RTP4: variants seen among roughly 807,000 people sequenced by gnomAD.
RTP4 encodes the protein receptor-transporting protein 4.
A neutral mutation model predicts 6.5 loss-of-function variants in RTP4; 5 were observed. The observed-to-expected ratio is 0.77, with a 90% CI of 0.40 to 1.62. The LOEUF (loss-of-function observed/expected upper bound fraction) is 1.62. RTP4 is among the 40% of genes most tolerant of loss of function. RTP4 has a pLI of 0.02. For missense variants in RTP4, 266 were observed against 288.7 expected (o/e 0.92, Z 0.57); for synonymous variants, 112 against 114.8 (o/e 0.98, Z 0.15).
rs377160983 is a variant in RTP4, at chr3:187,371,211, G to A, written c.579G>A (p.Val193=). Residue 193 remains valine, a synonymous_variant, in exon 2 of 2, where the codon GTG becomes GTA. Transcript: ENST00000259030. Reference sequence around the variant, plus strand: ...ATTCCTCACCTGGAATTGGTGCTGTGTACCTCGCAAACCAAGCCAAGAACC... The same window carrying A: ...ATTCCTCACCTGGAATTGGTGCTGTATACCTCGCAAACCAAGCCAAGAACC... ...TGNSSPGIGA[V]YLANQAKNQS... The A allele has an allele frequency of 6.8e-6, 11 of 1,613,936 alleles. No individual in the cohort carries two copies. The highest frequency in any genetic ancestry group is 3.3e-5 in the South Asian group (3 of 91,078).
rs747425435 is a variant in RTP4, at chr3:187,371,404, T to TA, written c.*33dup. 12 of 1,495,160 alleles carry TA rather than the reference T, an allele frequency of 8.0e-6. No individual in the cohort carries two copies. Among genetic ancestry groups the TA allele is most frequent in the Non-Finnish European group, 1.1e-5 (12 of 1,102,054 alleles). 92.6% of individuals were successfully genotyped at this position (1,495,160 alleles called of 1,614,324 possible). On this transcript the variant is annotated 3_prime_UTR_variant, in exon 2 of 2. Transcript: ENST00000259030. The stretch of plus-strand genomic sequence containing the variant: ...ATAGGCTTGCCACTTTCTCTTATTT[T>TA]AATTCCATGGTAGTCAATGAACTGG...
rs764728969 is a variant in RTP4 at position 187,368,505 on chromosome 3, C to T, written c.64C>T (p.Arg22Trp). The T allele has an allele frequency of 7.4e-6, 12 of 1,614,082 alleles. No homozygotes were observed. Among genetic ancestry groups the T allele is most frequent in the East Asian group, 4.5e-5 (2 of 44,862 alleles). The part of the protein sequence containing the change: ...FQELIQEAKP[R>W]ATWTLKLDGN... ...AGAACTAATCCAAGAGGCAAAACCC[C>T]GGGCCACATGGACGCTGAAGTTGGA... The change falls in exon 1 of 2, where the codon CGG becomes TGG. Residue 22 changes from arginine (R) to tryptophan (W), a missense_variant. Transcript: ENST00000259030.
At chr3:187,370,028 C>T (rs1341433263) in intron 1 of RTP4, among the ~76,000 whole-genome samples, 1 of 152,196 alleles carries the variant, frequency 6.6e-6, no homozygotes, top group Non-Finnish European at 1.5e-5. Context: ...TTTTGAAAAG[C>T]ATTTTGTAGT....
chr3:187,370,959 T>C lies in RTP4; in HGVS notation c.327T>C (p.Asp109=). ...SQYEMPEFSS[D]STMRILSNLV... ...ATGAGATGCCTGAGTTCTCCTCGGA[T>C]AGCACCATGAGGATTCTGAGCAACC... The change falls in exon 2 of 2, where the codon GAT becomes GAC. Residue 109 remains aspartate, a synonymous_variant. Coordinates refer to ENST00000259030, the MANE Select transcript of RTP4 (RefSeq NM_022147.3). 6.2e-7 allele frequency: 1 copy of C among 1,614,192 alleles called. No homozygotes were observed. Among genetic ancestry groups the C allele is most frequent in the Non-Finnish European group, 8.5e-7 (1 of 1,180,030 alleles).
chr3:187,371,111 G>A lies in RTP4; in HGVS notation c.479G>A (p.Gly160Asp), dbSNP rs554658842. Reference protein sequence around the residue: ...DTANCEACTLGICGQGLKSCM... With the variant: ...DTANCEACTLDICGQGLKSCM... ...GCCAATTGTGAGGCATGCACTTTGG[G>A]CATCTGTGGACAGGGCTTAAAAAGC... Residue 160 changes from glycine to aspartate, a missense_variant, in exon 2 of 2, where the codon GGC (glycine) becomes GAC (aspartate). Transcript: ENST00000259030. The A allele has an allele frequency of 1.9e-6, 3 of 1,614,110 alleles. No homozygotes were observed. The highest frequency in any genetic ancestry group is 2.5e-6 in the Non-Finnish European group (3 of 1,180,002).
At chr3:187,370,408 G>C (rs1179872414) in intron 1 of RTP4, among the ~76,000 whole-genome samples, 1 of 152,174 alleles carries the variant, frequency 6.6e-6, no homozygotes, top group Non-Finnish European at 1.5e-5. Flanking sequence ...CTTCACAGAT[G>C]AAATGGGATA....
rs765849590 is a variant in RTP4 at position 187,368,558 on chromosome 3, T to C, written c.117T>C (p.Ala39=). The C allele has an allele frequency of 6.2e-7, 1 of 1,614,030 alleles. No homozygotes were observed. The highest frequency in any genetic ancestry group is 2.2e-5 in the East Asian group (1 of 44,874). ...GCAACCTTCAGCTAGACTGCCTGGC[T>C]CAAGGGTGGAAGCAATACCAACAGA... is the stretch of plus-strand genomic sequence containing the variant. ...LDGNLQLDCL[A]QGWKQYQQRA... Residue 39 remains alanine, a synonymous_variant, in exon 1 of 2, where the codon GCT becomes GCC. Transcript: ENST00000259030.
intron 1 of RTP4, among the ~76,000 whole-genome samples, chr3:187,369,533 G>C (rs1055593278): frequency 1.2e-4 from 18 of 151,950 alleles, no homozygotes; most frequent in African/African-American, 3.9e-4. Context: ...GGTTCTCCTA[G>C]GCAGAGTAAG....
chr3:187,368,985 T>C (rs1446299953), intron 1 of RTP4, among the ~76,000 whole-genome samples: 1 of 149,774 alleles, frequency 6.7e-6, no homozygotes, highest in Non-Finnish European at 1.5e-5. Flanking sequence ...CTTGGCACTG[T>C]TCAGTACAAG....
Position 187,371,154 on chromosome 3 carries a change from C to T in RTP4, c.522C>T (p.Ser174=). Residue 174 remains serine (S), a synonymous_variant, in exon 2 of 2, where the codon TCC becomes TCT. Transcript: ENST00000259030. ...TAAAAAGCTGCATGACAAAGCCGTC[C>T]AAATCCCTACTCCCCCACCTAAAGA... ...QGLKSCMTKP[S]KSLLPHLKTG... is the part of the protein sequence containing the mutation. 2 of 1,614,106 alleles carry T rather than the reference C, an allele frequency of 1.2e-6. No individual in the cohort carries two copies. Among genetic ancestry groups the T allele is most frequent in the Non-Finnish European group, 1.7e-6 (2 of 1,180,040 alleles).
At position 187,371,093 on chromosome 3, in the gene RTP4, G is replaced by T; in HGVS notation, c.461G>T (p.Cys154Phe). Residue 154 changes from cysteine (C) to phenylalanine (F), a missense_variant, in exon 2 of 2, where the codon TGT becomes TTT. Transcript: ENST00000259030. Reference sequence around the variant, plus strand: ...GAAGGATCCCATGACACAGCCAATTGTGAGGCATGCACTTTGGGCATCTGT... The same window carrying T: ...GAAGGATCCCATGACACAGCCAATTTTGAGGCATGCACTTTGGGCATCTGT... ...SLEGSHDTANCEACTLGICGQ... is the reference protein window; with the variant it reads ...SLEGSHDTANFEACTLGICGQ... 1.2e-6 allele frequency: 2 copies of T among 1,614,168 alleles called. No individual in the cohort carries two copies. Among genetic ancestry groups the T allele is most frequent in the African/African-American group, 1.3e-5 (1 of 75,042 alleles).
At position 187,371,273 on chromosome 3, in the gene RTP4, A is replaced by G. The variant is rs749159510; in HGVS notation, c.641A>G (p.Tyr214Cys). Residue 214 changes from tyrosine (Y) to cysteine (C), a missense_variant, in exon 2 of 2, where the codon TAT becomes TGT. By Grantham distance (194) the Tyr-to-Cys change is radical. Transcript: ENST00000259030. Reference sequence around the variant, plus strand: ...GCAAAAGAGGCTAAGGGGAGTGGGTATGAGAAATTAGGGCCCAGTCGAGAC... The same window carrying G: ...GCAAAAGAGGCTAAGGGGAGTGGGTGTGAGAAATTAGGGCCCAGTCGAGAC... ...AEAKEAKGSG[Y>C]EKLGPSRDPD... 3.1e-6 allele frequency: 5 copies of G among 1,610,442 alleles called. No individual in the cohort carries two copies. In the South Asian group the frequency reaches 3.3e-5, roughly 11 times the overall value.
intron 1 of RTP4, among the ~76,000 whole-genome samples, chr3:187,369,914 A>T (rs1436464951): frequency 6.6e-6 from 1 of 152,196 alleles, no homozygotes; most frequent in Non-Finnish European, 1.5e-5. Flanking sequence ...GCACTCCTCC[A>T]AACAGAAAGA....
At position 187,371,340 on chromosome 3, in the gene RTP4, A is replaced by G; in HGVS notation, c.708A>G (p.Val236=). Residue 236 remains valine (V), a synonymous_variant, in exon 2 of 2, where the codon GTA becomes GTG. Transcript: ENST00000259030. ...LNICVFILLL[V]FIVVKCFTSE ...TCTGTGTCTTTATTTTGCTGCTTGT[A>G]TTTATTGTAGTCAAATGCTTTACAT... is the stretch of plus-strand genomic sequence containing the variant. The G allele has an allele frequency of 6.2e-7, 1 of 1,600,158 alleles. No homozygotes were observed.
At position 187,371,018 on chromosome 3, in the gene RTP4, A is replaced by G. The variant is rs1412006310; in HGVS notation, c.386A>G (p.Asn129Ser). The G allele has an allele frequency of 2.5e-6, 4 of 1,614,222 alleles. No homozygotes were observed. The change falls in exon 2 of 2, where the codon AAT becomes AGT. Residue 129 changes from asparagine (N) to serine (S), a missense_variant. Physicochemically the swap from Asn to Ser is conservative, Grantham distance 46. Transcript: ENST00000259030. ...VQHILKKYYGNGTRKSPEMPV... is the reference protein window; with the variant it reads ...VQHILKKYYGSGTRKSPEMPV... ...CATATACTGAAGAAATACTATGGAA[A>G]TGGCACGAGGAAGTCTCCAGAAATG...
intron 1 of RTP4, among the ~76,000 whole-genome samples, chr3:187,369,095 A>G (rs1419243484): frequency 6.6e-6 from 1 of 151,788 alleles, no homozygotes; most frequent in East Asian, 1.9e-4. Flanking sequence ...TGGGGATAAT[A>G]GTATAGAATG....
intron 1 of RTP4, among the ~76,000 whole-genome samples, chr3:187,369,954 T>G (rs955020555): frequency 1.3e-5 from 2 of 152,258 alleles, no homozygotes; most frequent in Admixed American, 6.5e-5. Flanking sequence ...ATGATTTGAT[T>G]TGATTGTCAT....
At chr3:187,370,117 CA>C (rs1206003157) in intron 1 of RTP4, among the ~76,000 whole-genome samples, 1 of 152,066 alleles carries the variant, frequency 6.6e-6, no homozygotes, top group African/African-American at 2.4e-5. Context: ...TGGATTCAAA[CA>C]ATGAGGGTTA....
At position 187,368,506 on chromosome 3, in the gene RTP4, G is replaced by A. The variant is rs750085324; in HGVS notation, c.65G>A (p.Arg22Gln). The A allele has an allele frequency of 1.5e-5, 24 of 1,613,940 alleles. No individual in the cohort carries two copies. The highest frequency in any genetic ancestry group is 5.0e-5 in the Admixed American group (3 of 59,976). ...FQELIQEAKPRATWTLKLDGN... is the reference protein window; with the variant it reads ...FQELIQEAKPQATWTLKLDGN... The stretch of plus-strand genomic sequence containing the variant: ...GAACTAATCCAAGAGGCAAAACCCC[G>A]GGCCACATGGACGCTGAAGTTGGAT... Residue 22 changes from arginine (R) to glutamine (Q), a missense_variant, in exon 1 of 2, where the codon CGG becomes CAG. Arg to Gln is a conservative substitution (Grantham distance 43). Transcript: ENST00000259030.
Sources: allele counts gnomAD v4.1 joint callset (sites outside exome capture counted in the v4.1 genomes callset), GRCh38; gene constraint gnomAD v4.1.1; transcripts MANE v1.5; gene names NCBI Gene and HGNC (gene_info 2026-07-23, HGNC 2026-07-21).